The following SPIN2A variants were observed in gnomAD, a reference collection of about 807,000 sequenced individuals.
The protein encoded by SPIN2A is spindlin-2A.
In SPIN2A, 4 loss-of-function variants were observed where a neutral mutation model predicts 9.2. That is an observed-to-expected ratio of 0.44 (90% confidence interval 0.21 to 1.00). The LOEUF (loss-of-function observed/expected upper bound fraction) is 1.00. Ranked by LOEUF, SPIN2A falls within the 50% of genes least tolerant of loss-of-function variation. The pLI is 0.26. For synonymous variants in SPIN2A, 25 were observed against 61.2 expected, an observed-to-expected ratio of 0.41 and a Z score of 2.76; for missense variants, 77 against 172.8, an observed-to-expected ratio of 0.45 and a Z score of 3.11.
chrX:57,136,806 G>C (rs1927794575), intron 1 of SPIN2A: 1 of 380,679 alleles, frequency 2.6e-6, no homozygotes, highest in African/African-American at 2.7e-5. Flanking sequence ...GGGTGGTGCA[G>C]TAGAGCTGTC....
In SPIN2A at chrX:57,137,264, A is replaced by C. The variant is rs762975059; in HGVS notation, c.-10T>G. ...TCACGTGCCGAAATCGGATACCTCG[A>C]TGCTGCCTCTGCTGTGAGCCTGTGG... is the stretch of plus-strand genomic sequence containing the variant. On this transcript the variant is annotated 5_prime_UTR_variant, in exon 1 of 2. Coordinates refer to ENST00000374906, the MANE Select transcript of SPIN2A (RefSeq NM_019003.5). 3.1e-4 allele frequency: 234 copies of C among 760,322 alleles called. 1 individual carries two copies. The South Asian group carries it at 3.9e-3, about 13-fold the overall frequency. The allele number at this position is 760,322 out of a possible 1,213,427, so 62.7% of individuals were successfully genotyped here. A position where few individuals can be genotyped will look rare whatever the true frequency, so the allele number is the denominator to read the frequency against.
intron 1 of SPIN2A, chrX:57,136,940 A>C: frequency 1.2e-6 from 1 of 839,484 alleles, no homozygotes; most frequent in South Asian, 3.1e-5. Flanking sequence ...GGCCTTGACC[A>C]GCACCCACTA....
At chrX:57,138,691 G>T (rs12840046), upstream of SPIN2A, among the ~76,000 whole-genome samples, 17,696 of 110,683 alleles carry the variant, frequency 0.16, 1,495 homozygotes, top group Non-Finnish European at 0.25. Flanking sequence ...AATTTACAAG[G>T]ATACCTCTTT....
upstream of SPIN2A, among the ~76,000 whole-genome samples, chrX:57,139,533 G>T (rs762578300): frequency 3.6e-5 from 4 of 110,948 alleles, no homozygotes; most frequent in Non-Finnish European, 5.7e-5. Flanking sequence ...GGCTCACTGC[G>T]AGCTCCTTCT....
upstream of SPIN2A, among the ~76,000 whole-genome samples, chrX:57,140,033 A>G (rs748578610): frequency 1.3e-4 from 15 of 111,909 alleles, no homozygotes; most frequent in South Asian, 1.1e-3. Context: ...TTTATTTTGT[A>G]TCAATGTTTT....
downstream of SPIN2A, chrX:57,135,482 C>T (rs1480361614): frequency 1.2e-5 from 3 of 258,774 alleles, no homozygotes; most frequent in Non-Finnish European, 1.3e-5. Flanking sequence ...CTTCCCCTGC[C>T]CCCTCCAGAC....
rs1284150093 is a variant in SPIN2A at position 57,137,304 on chromosome X, C to G, written c.-50G>C. ...TGAGCCTGTGGCGAAGGAGGGTCAA[C>G]AGGCGACTCGCTGAGTGACTGCTTG... On this transcript the variant is annotated 5_prime_UTR_variant, in exon 1 of 2. Transcript: ENST00000374906. 9 of 758,486 alleles carry G rather than the reference C, an allele frequency of 1.2e-5. No homozygotes were observed. Among genetic ancestry groups the G allele is most frequent in the Middle Eastern group, 7.5e-4 (1 of 1,325 alleles). The allele number at this position is 758,486 out of a possible 1,213,427, so 62.5% of individuals were successfully genotyped here.
chrX:57,139,738 G>A (rs1049937746), upstream of SPIN2A, among the ~76,000 whole-genome samples: 29 of 111,848 alleles, frequency 2.6e-4, no homozygotes, highest in Admixed American at 2.5e-3. Flanking sequence ...ACAAGTGTGA[G>A]CCACCACGCC....
At chrX:57,145,456 A>T in the SPIN2A span, among the ~76,000 whole-genome samples, 7 of 111,897 alleles carry the variant, frequency 6.3e-5, no homozygotes, top group Middle Eastern at 4.6e-3. Context: ...TCCGGATATT[A>T]GTCCTCTGTT....
the SPIN2A span, among the ~76,000 whole-genome samples, chrX:57,144,639 A>G: frequency 9.1e-6 from 1 of 109,982 alleles, no homozygotes; most frequent in Non-Finnish European, 1.9e-5. Context: ...TTTACACTGA[A>G]CCCAATTTTC....
At chrX:57,144,442 C>T in the SPIN2A span, among the ~76,000 whole-genome samples, 2 of 106,763 alleles carry the variant, frequency 1.9e-5, no homozygotes, top group African/African-American at 6.8e-5. Flanking sequence ...GCAAGTAACT[C>T]TGTGGGTTTT....
chrX:57,138,421 T>C (rs914669497), upstream of SPIN2A, among the ~76,000 whole-genome samples: 2 of 103,794 alleles, frequency 1.9e-5, no homozygotes, highest in Non-Finnish European at 3.9e-5. Context: ...AATATTTTAT[T>C]ATATATATAT....
the SPIN2A span, among the ~76,000 whole-genome samples, chrX:57,146,792 C>A: frequency 3.6e-5 from 4 of 111,755 alleles, no homozygotes; most frequent in African/African-American, 1.3e-4. Context: ...TGGCTTTTGT[C>A]AAATGCTTTT....
chrX:57,138,376 A>G (rs761050219), upstream of SPIN2A, among the ~76,000 whole-genome samples: 45 of 111,084 alleles, frequency 4.1e-4, no homozygotes, highest in African/African-American at 1.4e-3. Context: ...GAAAAGTTAA[A>G]TAAGTGTTAG....
At chrX:57,142,569 G>A in the SPIN2A span, among the ~76,000 whole-genome samples, 1 of 112,191 alleles carries the variant, frequency 8.9e-6, no homozygotes, top group Non-Finnish European at 1.9e-5. Flanking sequence ...GGAGAAGAAT[G>A]TGTATTCTGC....
chrX:57,142,630 T>C, the SPIN2A span, among the ~76,000 whole-genome samples: 1 of 111,858 alleles, frequency 8.9e-6, no homozygotes, highest in African/African-American at 3.2e-5. Context: ...TCCAAGTTTA[T>C]GGTGCAGATT....
chrX:57,139,082 T>A (rs1180861543), upstream of SPIN2A, among the ~76,000 whole-genome samples: 1 of 112,338 alleles, frequency 8.9e-6, no homozygotes, highest in Non-Finnish European at 1.9e-5. Context: ...ACTTGCCCAT[T>A]TTTCCTTTGC....
In SPIN2A at chrX:57,135,848, A is replaced by G. The variant is rs1319972310; in HGVS notation, c.750T>C (p.Tyr250=). Residue 250 remains tyrosine, a synonymous_variant, in exon 2 of 2, where the codon TAT becomes TAC. Transcript: ENST00000374906. The part of the protein sequence containing the change: ...FIKFDDDFHI[Y]VYDLVKKS ...AGGACTTTTTCACCAAATCGTAGAC[A>G]TAGATATGGAAATCATCATCAAACT... 1.7e-6 allele frequency: 2 copies of G among 1,209,754 alleles called. No individual in the cohort carries two copies. Among genetic ancestry groups the G allele is most frequent in the East Asian group, 3.0e-5 (1 of 33,817 alleles).
chrX:57,137,404 A>C (rs767926064), upstream of SPIN2A: 4 of 735,536 alleles, frequency 5.4e-6, no homozygotes, highest in East Asian at 6.2e-4. Context: ...AGAGCACTGC[A>C]GCGGTGTCCC....
Sources: allele counts gnomAD v4.1 joint callset (sites outside exome capture counted in the v4.1 genomes callset), GRCh38; gene constraint gnomAD v4.1.1; transcripts MANE v1.5; gene names NCBI Gene and HGNC (gene_info 2026-07-23, HGNC 2026-07-21).